LRRC37A3: variants seen among roughly 807,000 people sequenced by gnomAD.
LRRC37A3 encodes leucine-rich repeat-containing protein 37A3.
A neutral mutation model predicts 106.2 loss-of-function variants in LRRC37A3; 25 were observed. That is an observed-to-expected ratio of 0.24 (90% CI 0.17 to 0.33). The LOEUF (loss-of-function observed/expected upper bound fraction) is 0.33, where lower values mean the gene tolerates loss of function less well. Ranked by LOEUF, LRRC37A3 falls within the 10% of genes least tolerant of loss-of-function variation. LRRC37A3 has a pLI of 1.00. For synonymous variants in LRRC37A3, 305 were observed against 635.8 expected (o/e 0.48, Z 7.83); for missense variants, 712 against 1,644.9 (o/e 0.43, Z 9.81).
At chr17:64,871,794 G>A (rs1973322157) in intron 8 of LRRC37A3, 1 of 152,110 alleles carries the variant, frequency 6.6e-6, no homozygotes, top group Admixed American at 6.6e-5. Context: ...TGAGCCTTCA[G>A]AGATTTAAAA....
In LRRC37A3 at chr17:64,871,257, G is replaced by T. The variant is rs561702441; in HGVS notation, c.2907-2091C>A. 1.3e-4 allele frequency among the ~76,000 whole-genome samples: 20 copies of T among 152,034 alleles called. No individual in the cohort carries two copies. The South Asian group carries it at 4.2e-3, about 32-fold the overall frequency. On this transcript the variant is annotated intron_variant, in intron 8 of 14. Coordinates refer to ENST00000584306, the MANE Select transcript of LRRC37A3 (RefSeq NM_199340.5). Reference sequence around the variant, plus strand: ...AGAATTACAATTTCTCATTAGCAGGGCACGGCAGTGCTTGCCTGTAATTCC... The same window carrying T: ...AGAATTACAATTTCTCATTAGCAGGTCACGGCAGTGCTTGCCTGTAATTCC...
chr17:64,865,090 C>T (rs551916759), intron 10 of LRRC37A3, among the ~76,000 whole-genome samples: 4 of 152,266 alleles, frequency 2.6e-5, no homozygotes, highest in East Asian at 3.9e-4. Context: ...GGAATGGACC[C>T]GGAACCGTAA....
At chr17:64,915,035 A>G (rs1487532268) in intron 2 of LRRC37A3, among the ~76,000 whole-genome samples, 2 of 152,246 alleles carry the variant, frequency 1.3e-5, no homozygotes, top group East Asian at 3.8e-4. Context: ...TCAGTCAGAT[A>G]GAAGGAATAC....
At chr17:64,855,125 T>C (rs1240645389) in intron 14 of LRRC37A3, among the ~76,000 whole-genome samples, 1 of 152,112 alleles carries the variant, frequency 6.6e-6, no homozygotes, top group Non-Finnish European at 1.5e-5. Flanking sequence ...CTGGCCTTTC[T>C]GGTTAAAATT....
chr17:64,919,287 A>G, intron 1 of LRRC37A3, 144 bp downstream of exon 1: 1 of 779,632 alleles, frequency 1.3e-6, no homozygotes, highest in South Asian at 5.3e-5. Context: ...GGAGAAGGGA[A>G]AGCGGCCGGG....
At chr17:64,867,840 G>T (rs994648849) in intron 10 of LRRC37A3, among the ~76,000 whole-genome samples, 1 of 151,976 alleles carries the variant, frequency 6.6e-6, no homozygotes, top group African/African-American at 2.4e-5. Context: ...TTGGGAGGCT[G>T]AGGCAGGCGG....
chr17:64,854,632 G>A lies in LRRC37A3; in HGVS notation c.4872C>T (p.Ala1624=). The A allele has an allele frequency of 1.2e-6, 2 of 1,613,664 alleles. No homozygotes were observed. The highest frequency in any genetic ancestry group is 1.7e-6 in the Non-Finnish European group (2 of 1,179,858). ...DEEGFSRDSE[A]PTEEESEALP is the part of the protein sequence containing the mutation. ...GGGCTTCACTCTCCTCCTCCGTTGG[G>A]GCTTCGCTGTCCCTGGGATAAGAAT... The change falls in exon 15 of 15, where the codon GCC becomes GCT. Residue 1624 remains alanine, a synonymous_variant. Coordinates refer to ENST00000584306, the MANE Select transcript of LRRC37A3 (RefSeq NM_199340.5).
intron 13 of LRRC37A3, among the ~76,000 whole-genome samples, chr17:64,857,991 A>G: frequency 6.6e-6 from 1 of 152,252 alleles, no homozygotes; most frequent in East Asian, 1.9e-4. Flanking sequence ...TGGGAAAAGT[A>G]ATACATCATG....
chr17:64,866,620 A>T (rs1272908178), intron 10 of LRRC37A3, among the ~76,000 whole-genome samples: 1 of 24,978 alleles, frequency 4.0e-5, no homozygotes. Context: ...ATATATATAT[A>T]TATATATATT....
At chr17:64,865,180 T>C (rs1973019233) in intron 10 of LRRC37A3, among the ~76,000 whole-genome samples, 1 of 152,248 alleles carries the variant, frequency 6.6e-6, no homozygotes. Flanking sequence ...GGTCTCACTC[T>C]GTTACACAGG....
intron 2 of LRRC37A3, among the ~76,000 whole-genome samples, chr17:64,917,839 G>C (rs1380575804): frequency 6.9e-6 from 1 of 145,474 alleles, no homozygotes; most frequent in Non-Finnish European, 1.5e-5. Context: ...GTAGTGGCGG[G>C]CGCCTGTAAT....
chr17:64,854,638 G>C lies in LRRC37A3; in HGVS notation c.4866C>G (p.Ser1622Arg), dbSNP rs748960255. The C allele has an allele frequency of 1.9e-6, 3 of 1,613,504 alleles. No individual in the cohort carries two copies. The African/African-American group carries it at 4.0e-5, about 22-fold the overall frequency. ...QEDEEGFSRD[S>R]EAPTEEESEA... ...CACTCTCCTCCTCCGTTGGGGCTTCGCTGTCCCTGGGATAAGAATAACAAT... is the reference window on the plus strand; with the variant it reads ...CACTCTCCTCCTCCGTTGGGGCTTCCCTGTCCCTGGGATAAGAATAACAAT... The change falls in exon 15 of 15, where the codon AGC becomes AGG. Residue 1622 changes from serine to arginine, a missense_variant. Ser to Arg is a moderately radical substitution (Grantham distance 110, BLOSUM62 -1). Coordinates refer to ENST00000584306, the MANE Select transcript of LRRC37A3 (RefSeq NM_199340.5).
At position 64,860,443 on chromosome 17, in the gene LRRC37A3, G is replaced by T. The variant is rs375979627; in HGVS notation, c.3703C>A (p.Pro1235Thr). 1.9e-6 allele frequency: 3 copies of T among 1,613,954 alleles called. No individual in the cohort carries two copies. The South Asian group carries it at 3.3e-5, about 18-fold the overall frequency. Residue 1235 changes from proline (P) to threonine (T), a missense_variant, in exon 12 of 15, where the codon CCT becomes ACT. Coordinates refer to ENST00000584306, the MANE Select transcript of LRRC37A3 (RefSeq NM_199340.5). Reference sequence around the variant, plus strand: ...GCCTTATGCTCTTGGGTGAACGAAGGCTTGGTGTAGACGGCGTTTCCCGCT... The same window carrying T: ...GCCTTATGCTCTTGGGTGAACGAAGTCTTGGTGTAGACGGCGTTTCCCGCT... ...KLAGNAVYTK[P>T]SFTQEHKAAV...
chr17:64,860,768 A>T lies in LRRC37A3; in HGVS notation c.3378T>A (p.Tyr1126Ter), dbSNP rs778889679. ...VTSTLSYILPYFSAVNLDVKS... is the reference protein window; with the variant it reads ...VTSTLSYILP ...TCACATCTAGGTTAACGGCTGAGAA[A>T]TAAGGTAAGATGTAACTTAGTGTAC... is the stretch of plus-strand genomic sequence containing the variant. The change falls in exon 12 of 15, where the codon TAT becomes TAA. Residue 1126 changes from tyrosine (Y) to a stop codon, truncating the protein, a stop_gained. Coordinates refer to ENST00000584306, the MANE Select transcript of LRRC37A3 (RefSeq NM_199340.5). LOFTEE classifies it high-confidence loss of function. The T allele has an allele frequency of 1.9e-6, 3 of 1,614,168 alleles. No individual in the cohort carries two copies. The highest frequency in any genetic ancestry group is 2.5e-6 in the Non-Finnish European group (3 of 1,179,996).
chr17:64,879,676 G>A (rs966975439), intron 8 of LRRC37A3, among the ~76,000 whole-genome samples: 7 of 151,956 alleles, frequency 4.6e-5, no homozygotes, highest in African/African-American at 1.4e-4. Flanking sequence ...ATTTTTTTTG[G>A]CATGAAAACT....
At chr17:64,909,621 G>C (rs901096654) in intron 2 of LRRC37A3, 3 of 152,204 alleles carry the variant, frequency 2.0e-5, no homozygotes, top group Admixed American at 6.5e-5. Flanking sequence ...CTGCTTTAAA[G>C]AAAATGGATA....
At chr17:64,864,654 T>G (rs892694942) in intron 10 of LRRC37A3, among the ~76,000 whole-genome samples, 2 of 151,764 alleles carry the variant, frequency 1.3e-5, no homozygotes, top group African/African-American at 2.4e-5. Flanking sequence ...TATGCTTCAA[T>G]CTCAGCTCTG....
intron 4 of LRRC37A3, among the ~76,000 whole-genome samples, chr17:64,893,808 C>T (rs986372079): frequency 6.8e-6 from 1 of 147,822 alleles, no homozygotes; most frequent in African/African-American, 2.7e-5. Context: ...CACCACCATG[C>T]CTGGCTAATT....
intron 10 of LRRC37A3, 112 bp from the exon 11 acceptor site, chr17:64,863,130 T>C: frequency 6.9e-7 from 1 of 1,457,588 alleles, no homozygotes; most frequent in Non-Finnish European, 9.5e-7. Flanking sequence ...TTGAAGCCTG[T>C]GGACTGGACA....
Sources: gnomAD v4.1 joint callset for allele counts (sites outside exome capture counted in the v4.1 genomes callset) on GRCh38, gnomAD v4.1.1 for gene constraint, MANE v1.5 for transcripts, NCBI Gene and HGNC (gene_info 2026-07-23, HGNC 2026-07-21) for gene names.